The following TRHR variants were observed in gnomAD, a reference collection of about 807,000 sequenced individuals.
TRHR encodes the protein thyrotropin releasing hormone receptor.
A neutral mutation model predicts 28.0 loss-of-function variants in TRHR; 14 were observed. The observed-to-expected ratio is 0.50, with a 90% CI of 0.33 to 0.78. TRHR has a LOEUF of 0.78. Ranked by LOEUF, TRHR falls within the 30% of genes least tolerant of loss-of-function variation. TRHR has a pLI of 0.02. For missense variants in TRHR, 438 were observed against 469.5 expected, an observed-to-expected ratio of 0.93 and a Z score of 0.62; for synonymous variants, 176 against 171.9, an observed-to-expected ratio of 1.02 and a Z score of -0.18.
chr8:109,088,946 A>T (rs1811483655), intron 2 of TRHR, among the ~76,000 whole-genome samples: 1 of 152,126 alleles, frequency 6.6e-6, no homozygotes, highest in Admixed American at 6.5e-5. Flanking sequence ...ATCAAGCTCA[A>T]TTTTTCATAA....
At chr8:109,114,847 T>G (rs1811894592) in intron 2 of TRHR, among the ~76,000 whole-genome samples, 1 of 152,036 alleles carries the variant, frequency 6.6e-6, no homozygotes, top group African/African-American at 2.4e-5. Flanking sequence ...GTTCATCAGA[T>G]TTAAGGTACA....
intron 2 of TRHR, among the ~76,000 whole-genome samples, chr8:109,100,562 C>T (rs1265064441): frequency 6.6e-6 from 1 of 152,122 alleles, no homozygotes; most frequent in Non-Finnish European, 1.5e-5. Flanking sequence ...TGCATCTCCT[C>T]ACCTATGATT....
intron 2 of TRHR, among the ~76,000 whole-genome samples, chr8:109,104,449 A>C (rs1455972020): frequency 6.6e-6 from 1 of 152,164 alleles, no homozygotes; most frequent in East Asian, 1.9e-4. Flanking sequence ...GGGAAATGCT[A>C]TGCACAAAAG....
Position 109,092,792 on chromosome 8 carries a change from CAAT to C in TRHR, c.789+4492_789+4494del, listed in dbSNP as rs1289014726. 1.2e-4 allele frequency among the ~76,000 whole-genome samples: 18 copies of C among 151,912 alleles called. No homozygotes were observed. In the East Asian group the frequency reaches 3.1e-3, roughly 26 times the overall value. On this transcript the variant is annotated intron_variant, in intron 2 of 2. Transcript: ENST00000518632. ...CTTTTGCTGTTATTGGTGATAATGACAATGATGCTATAAAAGCAGTCATGTGTA... is the reference window on the plus strand; with the variant it reads ...CTTTTGCTGTTATTGGTGATAATGACGATGCTATAAAAGCAGTCATGTGTA...
intron 2 of TRHR, among the ~76,000 whole-genome samples, chr8:109,111,231 C>T (rs1471585222): frequency 6.6e-6 from 1 of 152,120 alleles, no homozygotes; most frequent in East Asian, 1.9e-4. Flanking sequence ...GCAGAATAAT[C>T]TGCAAGAAGA....
At chr8:109,096,198 T>C (rs570847979) in intron 2 of TRHR, among the ~76,000 whole-genome samples, 29 of 152,322 alleles carry the variant, frequency 1.9e-4, no homozygotes, top group African/African-American at 2.6e-4. Flanking sequence ...TCTGAATTAT[T>C]TGTAGTTCTC....
Position 109,119,217 on chromosome 8 carries a change from A to G in TRHR, c.959A>G (p.Tyr320Cys), listed in dbSNP as rs1811965555. ...YLNSAINPVI[Y>C]NLMSQKFRAA... ...AACAGTGCCATCAACCCGGTGATTT[A>G]CAATCTCATGTCCCAGAAATTCCGT... The change falls in exon 3 of 3, where the codon TAC becomes TGC. Residue 320 changes from tyrosine to cysteine, a missense_variant. Physicochemically the swap from Tyr to Cys is radical, Grantham distance 194. Coordinates refer to ENST00000518632, the MANE Select transcript of TRHR (RefSeq NM_003301.7). 5 of 1,612,888 alleles carry G rather than the reference A, an allele frequency of 3.1e-6. No homozygotes were observed. Among genetic ancestry groups the G allele is most frequent in the Non-Finnish European group, 4.2e-6 (5 of 1,179,284 alleles).
At chr8:109,108,115 G>A (rs1425054383) in intron 2 of TRHR, among the ~76,000 whole-genome samples, 1 of 152,108 alleles carries the variant, frequency 6.6e-6, no homozygotes, top group Non-Finnish European at 1.5e-5. Context: ...ACACACAGGT[G>A]GAGAAGGAGT....
At chr8:109,097,869 G>T (rs1811617926) in intron 2 of TRHR, among the ~76,000 whole-genome samples, 1 of 152,154 alleles carries the variant, frequency 6.6e-6, no homozygotes, top group Non-Finnish European at 1.5e-5. Context: ...GGCCCTCAGG[G>T]ATTTCTGTCT....
At chr8:109,095,002 A>G (rs968082792) in intron 2 of TRHR, among the ~76,000 whole-genome samples, 38 of 151,438 alleles carry the variant, frequency 2.5e-4, no homozygotes, top group Non-Finnish European at 5.3e-4. Context: ...AGTCTCCTTT[A>G]GGTTTTTTTT....
At chr8:109,105,228 C>G (rs547238972) in intron 2 of TRHR, among the ~76,000 whole-genome samples, 1 of 152,144 alleles carries the variant, frequency 6.6e-6, no homozygotes, top group South Asian at 2.1e-4. Context: ...GTCACCCATT[C>G]AAAAAATGGA....
chr8:109,097,144 C>A (rs1811605989), intron 2 of TRHR, among the ~76,000 whole-genome samples: 1 of 152,086 alleles, frequency 6.6e-6, no homozygotes, highest in Admixed American at 6.5e-5. Context: ...TTGGCTTTCC[C>A]ATGAACCTTT....
rs1046155135 is a variant in TRHR at position 109,087,681 on chromosome 8, A to C, written c.169A>C (p.Arg57=). The C allele has an allele frequency of 6.2e-7, 1 of 1,613,992 alleles. No individual in the cohort carries two copies. The highest frequency in any genetic ancestry group is 8.5e-7 in the Non-Finnish European group (1 of 1,180,026). ...GGTTGTCATGAGAACCAAGCACATGAGGACCCCCACAAACTGCTACCTGGT... is the reference window on the plus strand; with the variant it reads ...GGTTGTCATGAGAACCAAGCACATGCGGACCCCCACAAACTGCTACCTGGT... ...VLVVMRTKHM[R]TPTNCYLVSL... Residue 57 remains arginine (R), a synonymous_variant, in exon 2 of 3, where the codon AGG becomes CGG. Coordinates refer to ENST00000518632, the MANE Select transcript of TRHR (RefSeq NM_003301.7).
At chr8:109,112,947 T>TA (rs766865191) in intron 2 of TRHR, among the ~76,000 whole-genome samples, 35 of 152,260 alleles carry the variant, frequency 2.3e-4, no homozygotes, top group Non-Finnish European at 4.9e-4. Context: ...TCAATTACAA[T>TA]AAAAGAACTT....
chr8:109,111,099 C>A (rs1315957673), intron 2 of TRHR, among the ~76,000 whole-genome samples: 1 of 151,934 alleles, frequency 6.6e-6, no homozygotes, highest in African/African-American at 2.4e-5. Context: ...TTGCAGTGAG[C>A]CGAGATCACA....
chr8:109,087,479 G>C lies in TRHR; in HGVS notation c.-34G>C. On this transcript the variant is annotated 5_prime_UTR_variant, in exon 2 of 3. Transcript: ENST00000518632. Reference sequence around the variant, plus strand: ...CGCTGGAAAGAAGATGTTTTGAGAAGTCAGTGTTTCCGAGAAACTTTAAGC... The same window carrying C: ...CGCTGGAAAGAAGATGTTTTGAGAACTCAGTGTTTCCGAGAAACTTTAAGC... 6.2e-7 allele frequency: 1 copy of C among 1,613,020 alleles called. No individual in the cohort carries two copies. The highest frequency in any genetic ancestry group is 1.1e-5 in the South Asian group (1 of 91,066).
rs1161915284 is a variant in TRHR at position 109,121,460 on chromosome 8, C to T, written c.*2005C>T. Among the ~76,000 whole-genome samples the T allele has an allele frequency of 6.6e-6, 1 of 151,670 alleles. No individual in the cohort carries two copies. Among genetic ancestry groups the T allele is most frequent in the Non-Finnish European group, 1.5e-5 (1 of 67,790 alleles). On this transcript the variant is annotated 3_prime_UTR_variant, in exon 3 of 3. Transcript: ENST00000518632. Reference sequence around the variant, plus strand: ...CTGGTAGGTAGTCAATCAACATTATCTTCATCACAATTTCACTACAGCTGT... The same window carrying T: ...CTGGTAGGTAGTCAATCAACATTATTTTCATCACAATTTCACTACAGCTGT...
At chr8:109,104,387 G>A (rs1811720862) in intron 2 of TRHR, among the ~76,000 whole-genome samples, 1 of 152,108 alleles carries the variant, frequency 6.6e-6, no homozygotes, top group African/African-American at 2.4e-5. Flanking sequence ...AAATAGAAAT[G>A]TCTACGTTCA....
At chr8:109,089,740 T>G (rs1017973472) in intron 2 of TRHR, among the ~76,000 whole-genome samples, 3 of 152,192 alleles carry the variant, frequency 2.0e-5, no homozygotes, top group African/African-American at 7.2e-5. Flanking sequence ...CTATTGACTA[T>G]CTTCCAAGAC....
Sources: allele counts gnomAD v4.1 joint callset (sites outside exome capture counted in the v4.1 genomes callset), GRCh38; gene constraint gnomAD v4.1.1; transcripts MANE v1.5; gene names NCBI Gene and HGNC (gene_info 2026-07-23, HGNC 2026-07-21).